Variants in CAMSAP1 observed in about 807,000 individuals in gnomAD.
CAMSAP1 encodes the protein calmodulin-regulated spectrin-associated protein 1.
CAMSAP1 carries 58 observed loss-of-function variants against 143.5 expected under a neutral mutation model. That is an observed-to-expected ratio of 0.40 (90% confidence interval 0.33 to 0.50). The LOEUF is 0.50. CAMSAP1 is among the 20% of genes least tolerant of loss of function. The probability of loss-of-function intolerance (pLI) is 0.45; values close to 1 mark genes in which losing one functional copy is unlikely to be tolerated. For synonymous variants in CAMSAP1, 945 were observed against 859.3 expected (o/e 1.10, Z -1.74); for missense variants, 1,969 against 2,115.7 (o/e 0.93, Z 1.36).
chr9:135,847,118 C>A (rs557772841), intron 7 of CAMSAP1, among the ~76,000 whole-genome samples: 1 of 151,748 alleles, frequency 6.6e-6, no homozygotes, highest in Non-Finnish European at 1.5e-5. Flanking sequence ...GAGGCTGAGG[C>A]GGGTGGATCA....
chr9:135,823,836 C>T (rs771857007), intron 10 of CAMSAP1, 114 bp downstream of exon 10: 20 of 741,260 alleles, frequency 2.7e-5, no homozygotes, highest in Non-Finnish European at 4.6e-5. Flanking sequence ...TGATTTCAGG[C>T]ACTCCCTATA....
intron 1 of CAMSAP1, among the ~76,000 whole-genome samples, chr9:135,900,252 G>C (rs1838576533): frequency 6.6e-6 from 1 of 151,896 alleles, no homozygotes; most frequent in Non-Finnish European, 1.5e-5. Context: ...TCAATCTCCT[G>C]GGCTCAAGCA....
In CAMSAP1 at chr9:135,850,240, G is replaced by C. The variant is rs765030309; in HGVS notation, c.949-7C>G. 4.3e-6 allele frequency: 7 copies of C among 1,611,258 alleles called. No individual in the cohort carries two copies. The highest frequency in any genetic ancestry group is 5.9e-6 in the Non-Finnish European group (7 of 1,179,186). ...TAAAAACCATAACATTCGGCTAAAA[G>C]ACAAAAACAAAAAACCAAAGTATGA... On this transcript the variant is annotated splice_polypyrimidine_tract_variant and splice_region_variant and intron_variant, in intron 6 of 16. Transcript: ENST00000389532.
At chr9:135,837,876 C>T (rs1450628262) in intron 7 of CAMSAP1, among the ~76,000 whole-genome samples, 7 of 151,614 alleles carry the variant, frequency 4.6e-5, no homozygotes, top group Non-Finnish European at 8.8e-5. Context: ...CACGTCATCA[C>T]GCACTTTCTA....
intron 1 of CAMSAP1, among the ~76,000 whole-genome samples, chr9:135,886,964 T>C (rs1228751015): frequency 6.6e-6 from 1 of 152,012 alleles, no homozygotes; most frequent in African/African-American, 2.4e-5. Flanking sequence ...AGGAGGGCAG[T>C]CGGGGACAGG....
Position 135,883,172 on chromosome 9 carries a change from C to T in CAMSAP1, c.161-94G>A, listed in dbSNP as rs138708152. The T allele has an allele frequency of 1.0e-4, 138 of 1,386,100 alleles. No homozygotes were observed. In the African/African-American group the frequency reaches 1.6e-3, roughly 16 times the overall value. The allele number at this position is 1,386,100 out of a possible 1,614,324, so 85.9% of individuals were successfully genotyped here. A position where few individuals can be genotyped will look rare whatever the true frequency, so the allele number is the denominator to read the frequency against. On this transcript the variant is annotated intron_variant, in intron 1 of 16. Transcript: ENST00000389532. Reference sequence around the variant, plus strand: ...AGTGAACTATGACTGTGCCACTGTACTCCAGCCTGGGCAACACAGGGAGAC... The same window carrying T: ...AGTGAACTATGACTGTGCCACTGTATTCCAGCCTGGGCAACACAGGGAGAC...
rs1314060939 is a variant in CAMSAP1, at chr9:135,809,606, T to C, written c.*1703A>G. ...TAAAGCAAATTAGTTCATCACTTTA[T>C]TACATCTTAGTGCTTTCTTAAAATA... On this transcript the variant is annotated 3_prime_UTR_variant, in exon 17 of 17. Transcript: ENST00000389532. 6.5e-6 allele frequency: 1 copy of C among 152,674 alleles called. No individual in the cohort carries two copies. The highest frequency in any genetic ancestry group is 1.5e-5 in the Non-Finnish European group (1 of 68,042). The allele number at this position is 152,674 out of a possible 1,614,324, so 9.5% of individuals were successfully genotyped here. A position where few individuals can be genotyped will look rare whatever the true frequency, so the allele number is the denominator to read the frequency against.
Position 135,823,943 on chromosome 9 carries a change from G to T in CAMSAP1, c.1400+7C>A. On this transcript the variant is annotated splice_region_variant and intron_variant, in intron 10 of 16. Transcript: ENST00000389532. ...CAAACAGAAACACTGCTGAAACACAGACTCACCTGGTTTTTTTTTCTGGCC... is the reference window on the plus strand; with the variant it reads ...CAAACAGAAACACTGCTGAAACACATACTCACCTGGTTTTTTTTTCTGGCC... The T allele has an allele frequency of 6.4e-7, 1 of 1,569,054 alleles. No individual in the cohort carries two copies. Among genetic ancestry groups the T allele is most frequent in the Non-Finnish European group, 8.7e-7 (1 of 1,155,402 alleles).
In CAMSAP1 at chr9:135,824,842, A is replaced by G. The variant is rs1835616425; in HGVS notation, c.1262T>C (p.Leu421Ser). ...GTAAFSPSHP[L>S]LPLRQKQQKS... ...CTGCTGTTTCTGTCTCAGTGGCAATAAAGGATGGGATGGGCTGAAGGCAGC... is the reference window on the plus strand; with the variant it reads ...CTGCTGTTTCTGTCTCAGTGGCAATGAAGGATGGGATGGGCTGAAGGCAGC... The change falls in exon 9 of 17, where the codon TTA (leucine) becomes TCA (serine). Residue 421 changes from leucine to serine, a missense_variant. Transcript: ENST00000389532. This position sits in a 1 kb window ranked among gnomAD's most constrained non-coding sequence, Gnocchi z 4.1. 1.9e-6 allele frequency: 3 copies of G among 1,604,266 alleles called. No homozygotes were observed. Among genetic ancestry groups the G allele is most frequent in the African/African-American group, 1.3e-5 (1 of 74,764 alleles).
intron 1 of CAMSAP1, among the ~76,000 whole-genome samples, chr9:135,904,817 T>G (rs1325897395): frequency 6.6e-6 from 1 of 152,022 alleles, no homozygotes; most frequent in Non-Finnish European, 1.5e-5. Flanking sequence ...ATACAAAAAC[T>G]GGCCGGGAGT....
At chr9:135,903,875 C>A (rs1212602108) in intron 1 of CAMSAP1, among the ~76,000 whole-genome samples, 1 of 152,102 alleles carries the variant, frequency 6.6e-6, no homozygotes, top group East Asian at 1.9e-4. Context: ...TTGGGGGGAC[C>A]CACACTGTCC....
rs542408644 is a variant in CAMSAP1, at chr9:135,859,681, C to T, written c.808+2786G>A. ...TGCTGGGATTACAGGGGTGAGCCAC[C>T]GCGCCTGGCCGTAACTCTGCCATTT... is the stretch of plus-strand genomic sequence containing the variant. On this transcript the variant is annotated intron_variant, in intron 5 of 16. Coordinates refer to ENST00000389532, the MANE Select transcript of CAMSAP1 (RefSeq NM_015447.4). Among the ~76,000 whole-genome samples the T allele has an allele frequency of 2.0e-4, 31 of 152,104 alleles. No homozygotes were observed. The South Asian group carries it at 6.2e-3, about 31-fold the overall frequency.
Position 135,882,373 on chromosome 9 carries a change from C to T in CAMSAP1, c.423+443G>A, listed in dbSNP as rs2150757. Among the ~76,000 whole-genome samples, 20,210 of 151,774 alleles carry T rather than the reference C, an allele frequency of 0.13. 1,641 individuals are homozygous for T. Among genetic ancestry groups the T allele is most frequent in the East Asian group, 0.34 (1,745 of 5,120 alleles). On this transcript the variant is annotated intron_variant, in intron 2 of 16. Coordinates refer to ENST00000389532, the MANE Select transcript of CAMSAP1 (RefSeq NM_015447.4). This position sits in a 1 kb window ranked among gnomAD's most constrained non-coding sequence, Gnocchi z 4.9. The stretch of plus-strand genomic sequence containing the variant: ...CACCGAGAATGGCCCTGACCCAGAA[C>T]GCTCTGGAAAAGGCACACCAGTAGC...
intron 7 of CAMSAP1, among the ~76,000 whole-genome samples, chr9:135,842,056 T>G (rs1836370930): frequency 6.6e-6 from 1 of 152,090 alleles, no homozygotes; most frequent in Admixed American, 6.5e-5. Flanking sequence ...TCCTCTGAGC[T>G]AAAGGAGCAT....
At chr9:135,829,669 A>G (rs556750747) in intron 7 of CAMSAP1, among the ~76,000 whole-genome samples, 33 of 152,228 alleles carry the variant, frequency 2.2e-4, no homozygotes, top group African/African-American at 7.2e-4. Context: ...GCCTGGCCAC[A>G]TGGTGAAACT....
At chr9:135,838,080 C>A (rs1325083200) in intron 7 of CAMSAP1, among the ~76,000 whole-genome samples, 4 of 150,252 alleles carry the variant, frequency 2.7e-5, no homozygotes, top group Non-Finnish European at 3.0e-5. Context: ...ATTCTACAGA[C>A]ACACGTCATC....
At chr9:135,891,935 G>A (rs184140493) in intron 1 of CAMSAP1, among the ~76,000 whole-genome samples, 13 of 152,270 alleles carry the variant, frequency 8.5e-5, no homozygotes, top group Admixed American at 7.2e-4. Context: ...GAATGGCAAC[G>A]ACAGAGGAGT....
intron 3 of CAMSAP1, among the ~76,000 whole-genome samples, chr9:135,875,545 TG>T (rs1837713650): frequency 6.6e-6 from 1 of 152,200 alleles, no homozygotes; most frequent in Non-Finnish European, 1.5e-5. Context: ...AGGATATGGC[TG>T]GAAGACTTAA....
intron 7 of CAMSAP1, among the ~76,000 whole-genome samples, chr9:135,839,860 G>A (rs917032982): frequency 1.3e-5 from 2 of 151,852 alleles, no homozygotes; most frequent in African/African-American, 4.8e-5. Flanking sequence ...ATGGAAAAGG[G>A]GAAAGCCTGG....
Sources: gnomAD v4.1 joint callset for allele counts (sites outside exome capture counted in the v4.1 genomes callset) on GRCh38, gnomAD v4.1.1 for gene constraint, Gnocchi (gnomAD v3.1) non-coding constraint, MANE v1.5 for transcripts, NCBI Gene and HGNC (gene_info 2026-07-23, HGNC 2026-07-21) for gene names.